PHACTR2: variants seen among roughly 807,000 people sequenced by gnomAD.
The protein encoded by PHACTR2 is phosphatase and actin regulator 2.
A neutral mutation model predicts 76.0 loss-of-function variants in PHACTR2; 30 were observed. The observed-to-expected ratio is 0.39, with a 90% CI of 0.30 to 0.54. The LOEUF is 0.54. PHACTR2 is among the 20% of genes least tolerant of loss of function. The pLI, the probability that PHACTR2 is intolerant of heterozygous loss-of-function variation, is 0.61. For synonymous variants in PHACTR2, 292 were observed against 292.5 expected (o/e 1.00, Z 0.02); for missense variants, 696 against 781.1 (o/e 0.89, Z 1.30).
intron 2 of PHACTR2, among the ~76,000 whole-genome samples, chr6:143,714,840 T>C (rs1778267783): frequency 6.6e-6 from 1 of 152,172 alleles, no homozygotes; most frequent in South Asian, 2.1e-4. Flanking sequence ...CCCTACATAA[T>C]CATTTTTTCC....
At position 143,602,260 on chromosome 6, in the gene PHACTR2, T is replaced by A. The variant is rs1775821618; in HGVS notation, c.217+65053T>A. On this transcript the variant is annotated intron_variant, in intron 1 of 11. Transcript: ENST00000367584. This position sits in a 1 kb window ranked among gnomAD's most constrained non-coding sequence, Gnocchi z 6.1. ...CATCTTGAGGAAATTTCTGCTCAATTTTGAGGGCATACTGCCGATCCAGTA... is the reference window on the plus strand; with the variant it reads ...CATCTTGAGGAAATTTCTGCTCAATATTGAGGGCATACTGCCGATCCAGTA... 6.6e-6 allele frequency among the ~76,000 whole-genome samples: 1 copy of A among 152,190 alleles called. No homozygotes were observed. The highest frequency in any genetic ancestry group is 6.5e-5 in the Admixed American group (1 of 15,284).
chr6:143,538,671 T>G (rs1009694129), intron 1 of PHACTR2, among the ~76,000 whole-genome samples: 2 of 152,206 alleles, frequency 1.3e-5, no homozygotes, highest in Non-Finnish European at 2.9e-5. Flanking sequence ...AAAAAGCACA[T>G]TTCCATGCCT....
rs1034366439 is a variant in PHACTR2 at position 143,710,468 on chromosome 6, G to A, written c.47-1548G>A. ...AGCAGTTTGGGAGGCTGAGGCGGGTGGATCACTTGAGGTCAGGAGTTCAAG... is the reference window on the plus strand; with the variant it reads ...AGCAGTTTGGGAGGCTGAGGCGGGTAGATCACTTGAGGTCAGGAGTTCAAG... On this transcript the variant is annotated intron_variant, in intron 1 of 12. Coordinates refer to ENST00000440869, the MANE Select transcript of PHACTR2 (RefSeq NM_001100164.2). The surrounding 1 kb of genome is among the most constrained non-coding windows in gnomAD (Gnocchi z 4.9). 9.2e-5 allele frequency among the ~76,000 whole-genome samples: 14 copies of A among 152,188 alleles called. No homozygotes were observed. The highest frequency in any genetic ancestry group is 2.1e-4 in the Non-Finnish European group (14 of 68,030).
rs181147567 is a variant in PHACTR2, at chr6:143,764,074, G to C, written c.695-1187G>C. On this transcript the variant is annotated intron_variant, in intron 5 of 12. Coordinates refer to ENST00000440869, the MANE Select transcript of PHACTR2 (RefSeq NM_001100164.2). The surrounding 1 kb of genome is among the most constrained non-coding windows in gnomAD (Gnocchi z 4.7). ...TTTGTTTTGAAACTGTTTTGATTGAGGGTGCCCTATCCGGAAGTAGGCAAA... is the reference window on the plus strand; with the variant it reads ...TTTGTTTTGAAACTGTTTTGATTGACGGTGCCCTATCCGGAAGTAGGCAAA... 3.3e-5 allele frequency among the ~76,000 whole-genome samples: 5 copies of C among 152,186 alleles called. No homozygotes were observed. Among genetic ancestry groups the C allele is most frequent in the East Asian group, 1.9e-4 (1 of 5,198 alleles).
chr6:143,783,191 A>G lies in PHACTR2; in HGVS notation c.1646-28A>G. 6.7e-7 allele frequency: 1 copy of G among 1,482,690 alleles called. No homozygotes were observed. The highest frequency in any genetic ancestry group is 9.4e-7 in the Non-Finnish European group (1 of 1,062,780). 91.8% of individuals were successfully genotyped at this position (1,482,690 alleles called of 1,614,324 possible). On this transcript the variant is annotated intron_variant, in intron 9 of 12. Coordinates refer to ENST00000440869, the MANE Select transcript of PHACTR2 (RefSeq NM_001100164.2). The surrounding 1 kb of genome is among the most constrained non-coding windows in gnomAD (Gnocchi z 5.2). Reference sequence around the variant, plus strand: ...TATGAAATCATCTATAGTAACTGTCATCACGACTTTCCTCCTTTAATAAAC... The same window carrying G: ...TATGAAATCATCTATAGTAACTGTCGTCACGACTTTCCTCCTTTAATAAAC...
chr6:143,578,123 G>C lies in PHACTR2; in HGVS notation c.217+40916G>C, dbSNP rs78510322. Among the ~76,000 whole-genome samples the C allele has an allele frequency of 0.011, 1,658 of 152,284 alleles. 28 individuals carry two copies. Among genetic ancestry groups the C allele is most frequent in the African/African-American group, 0.037 (1,551 of 41,544 alleles). On this transcript the variant is annotated intron_variant, in intron 1 of 11. Transcript: ENST00000367584. The surrounding 1 kb of genome is among the most constrained non-coding windows in gnomAD (Gnocchi z 4.5). Reference sequence around the variant, plus strand: ...ATCAGCCATAGTCCAAATGCAAAGAGGGAAGGAGCTTCATTTACTGTTGTT... The same window carrying C: ...ATCAGCCATAGTCCAAATGCAAAGACGGAAGGAGCTTCATTTACTGTTGTT...
At position 143,677,969 on chromosome 6, in the gene PHACTR2, G is replaced by A; in HGVS notation, c.-195G>A. 1.5e-6 allele frequency: 2 copies of A among 1,298,532 alleles called. No individual in the cohort carries two copies. Among genetic ancestry groups the A allele is most frequent in the Non-Finnish European group, 2.0e-6 (2 of 1,007,674 alleles). 80.4% of individuals were successfully genotyped at this position (1,298,532 alleles called of 1,614,324 possible). A position where few individuals can be genotyped will look rare whatever the true frequency, so the allele number is the denominator to read the frequency against. On this transcript the variant is annotated 5_prime_UTR_variant, in exon 1 of 13. Transcript: ENST00000440869. ...CTGCATAGAGGAATGACAGGCATCC[G>A]CTGGGCAGGATCCGCCGCGCCGGCT...
intron 1 of PHACTR2, among the ~76,000 whole-genome samples, chr6:143,572,764 G>A (rs1244268847): frequency 6.6e-6 from 1 of 152,056 alleles, no homozygotes; most frequent in East Asian, 1.9e-4. Context: ...TGTTGGCCAG[G>A]CTGGTCTCAA....
In PHACTR2 at chr6:143,537,094, C is replaced by A; in HGVS notation, c.104C>A (p.Ala35Glu). 1 of 239,998 alleles carries A rather than the reference C, an allele frequency of 4.2e-6. No homozygotes were observed. Among genetic ancestry groups the A allele is most frequent in the South Asian group, 7.1e-5 (1 of 14,122 alleles). The allele number at this position is 239,998 out of a possible 1,614,324, so 14.9% of individuals were successfully genotyped here. A position where few individuals can be genotyped will look rare whatever the true frequency, so the allele number is the denominator to read the frequency against. ...CCCGAGGCGCCCGCCCCGCCGGCGGCGCCTGCCCTGCGCTGGCTTCCCGGG... is the reference window on the plus strand; with the variant it reads ...CCCGAGGCGCCCGCCCCGCCGGCGGAGCCTGCCCTGCGCTGGCTTCCCGGG... Residue 35 changes from alanine (A) to glutamate (E), a missense_variant, in exon 1 of 12, where the codon GCG (alanine) becomes GAG (glutamate). Physicochemically the swap from Ala to Glu is moderately radical, Grantham distance 107. Transcript: ENST00000367584. The surrounding 1 kb of genome is among the most constrained non-coding windows in gnomAD (Gnocchi z 4.4).
chr6:143,785,086 G>A (rs186590326), intron 10 of PHACTR2, among the ~76,000 whole-genome samples: 84 of 152,124 alleles, frequency 5.5e-4, no homozygotes, highest in Admixed American at 4.5e-3. Context: ...AACTCATTTC[G>A]GCAGTATCCC....
chr6:143,762,313 T>C (rs552765491), intron 5 of PHACTR2, among the ~76,000 whole-genome samples: 1 of 152,310 alleles, frequency 6.6e-6, no homozygotes, highest in East Asian at 1.9e-4. Context: ...AAGCCGATGA[T>C]TAACACCAGG....
intron 1 of PHACTR2, among the ~76,000 whole-genome samples, chr6:143,622,061 G>C (rs1054349499): frequency 6.6e-6 from 1 of 152,222 alleles, no homozygotes; most frequent in East Asian, 1.9e-4. Flanking sequence ...GCCTTGGGCA[G>C]TGTATGATTC....
At chr6:143,627,000 T>G (rs542605429) in intron 1 of PHACTR2, among the ~76,000 whole-genome samples, 104 of 152,352 alleles carry the variant, frequency 6.8e-4, no homozygotes, top group African/African-American at 2.2e-3. Context: ...TGCTTTCCTT[T>G]GCCAACTTGG....
upstream of PHACTR2, among the ~76,000 whole-genome samples, chr6:143,605,304 G>A (rs1775857871): frequency 6.6e-6 from 1 of 152,176 alleles, no homozygotes; most frequent in Non-Finnish European, 1.5e-5. This position sits in a 1 kb window ranked among gnomAD's most constrained non-coding sequence, Gnocchi z 5.0. Flanking sequence ...CGAACCCCAT[G>A]TTTAGAAACA....
At position 143,754,691 on chromosome 6, in the gene PHACTR2, CT is replaced by C. The variant is rs1160576254; in HGVS notation, c.454+780del. 2.6e-5 allele frequency among the ~76,000 whole-genome samples: 4 copies of C among 152,178 alleles called. No individual in the cohort carries two copies. Among genetic ancestry groups the C allele is most frequent in the African/African-American group, 9.7e-5 (4 of 41,446 alleles). ...TACCACTGCTGTGATGCGTAGGAAC[CT>C]CCAAACATGAAATGAAACTTCTAAA... On this transcript the variant is annotated intron_variant, in intron 4 of 12. Transcript: ENST00000440869. This position sits in a 1 kb window ranked among gnomAD's most constrained non-coding sequence, Gnocchi z 6.2.
In PHACTR2 at chr6:143,765,386, A is replaced by G; in HGVS notation, c.820A>G (p.Thr274Ala). 6.2e-7 allele frequency: 1 copy of G among 1,614,186 alleles called. No individual in the cohort carries two copies. The highest frequency in any genetic ancestry group is 8.5e-7 in the Non-Finnish European group (1 of 1,180,026). The change falls in exon 6 of 13, where the codon ACC (threonine) becomes GCC (alanine). Residue 274 changes from threonine to alanine, a missense_variant. Around this residue, in one of 2 missense-constraint regions of PHACTR2, gnomAD observed 460 missense variants for 450.9 expected, o/e 1.02. Transcript: ENST00000440869. The surrounding 1 kb of genome is among the most constrained non-coding windows in gnomAD (Gnocchi z 4.1). ...TTCTAGCAAAGCAGGGACAGTGGGG[A>G]CCACCAAGGGCAAGAGAAAAACTGA... The part of the protein sequence containing the change: ...TVSSKAGTVG[T>A]TKGKRKTDKQ...
In PHACTR2 at chr6:143,646,950, G is replaced by A. The variant is rs994866030; in HGVS notation, c.13+38628G>A. 6.6e-6 allele frequency among the ~76,000 whole-genome samples: 1 copy of A among 152,156 alleles called. No individual in the cohort carries two copies. The highest frequency in any genetic ancestry group is 2.4e-5 in the African/African-American group (1 of 41,434). On this transcript the variant is annotated intron_variant, in intron 1 of 11. Transcript: ENST00000305766. The surrounding 1 kb of genome is among the most constrained non-coding windows in gnomAD (Gnocchi z 4.1). ...ATTCTCTATAATCAACATTTCTTAA[G>A]TGCCCAGTGAGGTAAGCCTTGCTTC... is the stretch of plus-strand genomic sequence containing the variant.
chr6:143,745,312 G>A (rs1310854605), intron 2 of PHACTR2, among the ~76,000 whole-genome samples: 4 of 152,218 alleles, frequency 2.6e-5, no homozygotes, highest in Non-Finnish European at 5.9e-5. Flanking sequence ...GCTACAGAGA[G>A]CTTGGGTTAG....
chr6:143,747,398 C>T (rs750638787), intron 2 of PHACTR2, among the ~76,000 whole-genome samples: 38 of 152,190 alleles, frequency 2.5e-4, no homozygotes, highest in East Asian at 1.9e-4. Flanking sequence ...CTGCCCAGGG[C>T]GCATCCTCCC....
Sources: allele counts gnomAD v4.1 joint callset (sites outside exome capture counted in the v4.1 genomes callset), GRCh38; gene constraint gnomAD v4.1.1; regional missense constraint gnomAD v4.1.1; non-coding constraint Gnocchi (gnomAD v3.1); transcripts MANE v1.5; gene names NCBI Gene and HGNC (gene_info 2026-07-23, HGNC 2026-07-21).